Variants in DLG4 observed in about 807,000 individuals in gnomAD.
DLG4 encodes the protein discs large MAGUK scaffold protein 4.
DLG4 carries 7 observed loss-of-function variants against 93.8 expected under a neutral mutation model. The observed-to-expected ratio is 0.07, with a 90% CI of 0.04 to 0.14. The LOEUF (loss-of-function observed/expected upper bound fraction) is 0.14. DLG4 is among the 10% of genes least tolerant of loss of function. The pLI is 1.00. For missense variants in DLG4, 545 were observed against 992.9 expected (o/e 0.55, Z 6.06); for synonymous variants, 341 against 387.6 (o/e 0.88, Z 1.41).
rs1249041118 is a variant in DLG4 at position 7,188,220 on chromosome 17, C to T, written c.*2488G>A. ...GTCCTGCATAGAAAATCCTGCAGGG[C>T]AATACGTGGCTACTGGTTGAAGTGA... On this transcript the variant is annotated 3_prime_UTR_variant, in exon 20 of 20. Transcript: ENST00000399506. Among the ~76,000 whole-genome samples the T allele has an allele frequency of 6.6e-6, 1 of 152,164 alleles. No homozygotes were observed. Among genetic ancestry groups the T allele is most frequent in the African/African-American group, 2.4e-5 (1 of 41,434 alleles).
rs2070237814 is a variant in DLG4, at chr17:7,203,083, C to A, written c.643-36G>T. 6.3e-7 allele frequency: 1 copy of A among 1,587,312 alleles called. No homozygotes were observed. Among genetic ancestry groups the A allele is most frequent in the Non-Finnish European group, 8.6e-7 (1 of 1,160,302 alleles). Reference sequence around the variant, plus strand: ...GGAAAGCAAAGCTCAGACAAAGCCACAAATGGCCCAAGACAGAAGCACTGG... The same window carrying A: ...GGAAAGCAAAGCTCAGACAAAGCCAAAAATGGCCCAAGACAGAAGCACTGG... On this transcript the variant is annotated intron_variant, in intron 7 of 19. Coordinates refer to ENST00000399506, the MANE Select transcript of DLG4 (RefSeq NM_001321075.3). The surrounding 1 kb of genome is among the most constrained non-coding windows in gnomAD (Gnocchi z 7.2).
chr17:7,217,951 A>C, upstream of DLG4: 1 of 855,400 alleles, frequency 1.2e-6, no homozygotes, highest in South Asian at 1.6e-5. Context: ...GAAGGAGGCA[A>C]TCCCTGGGGG....
At position 7,189,737 on chromosome 17, in the gene DLG4, C is replaced by T. The variant is rs1391389197; in HGVS notation, c.*971G>A. Among the ~76,000 whole-genome samples, 2 of 152,082 alleles carry T rather than the reference C, an allele frequency of 1.3e-5. No individual in the cohort carries two copies. Among genetic ancestry groups the T allele is most frequent in the African/African-American group, 4.8e-5 (2 of 41,416 alleles). On this transcript the variant is annotated 3_prime_UTR_variant, in exon 20 of 20. Coordinates refer to ENST00000399506, the MANE Select transcript of DLG4 (RefSeq NM_001321075.3). Reference sequence around the variant, plus strand: ...AGCTCCAGACCTTCCCAGGCTCAGTCTTCACCAACTCGGGTTCCTTGATTT... The same window carrying T: ...AGCTCCAGACCTTCCCAGGCTCAGTTTTCACCAACTCGGGTTCCTTGATTT...
chr17:7,219,392 G>A (rs2071078921), upstream of DLG4: 5 of 1,014,664 alleles, frequency 4.9e-6, no homozygotes, highest in South Asian at 3.9e-5. Flanking sequence ...AGTGAATCTG[G>A]GGGGGTCTTC....
intron 1 of DLG4, among the ~76,000 whole-genome samples, chr17:7,210,327 C>T (rs143695674): frequency 1.3e-5 from 2 of 152,172 alleles, no homozygotes; most frequent in Admixed American, 6.5e-5. Context: ...ACAGAGACAA[C>T]TCAAATCAAG....
intron 8 of DLG4, among the ~76,000 whole-genome samples, chr17:7,199,609 C>A (rs929328326): frequency 6.6e-6 from 1 of 151,976 alleles, no homozygotes; most frequent in Admixed American, 6.6e-5. Context: ...TTGCTGAGAC[C>A]CTATTAGTCC....
Position 7,194,599 on chromosome 17 carries a change from T to A in DLG4, c.1302-104A>T. The A allele has an allele frequency of 7.8e-7, 1 of 1,273,924 alleles. No homozygotes were observed. Among genetic ancestry groups the A allele is most frequent in the Non-Finnish European group, 1.1e-6 (1 of 935,982 alleles). 78.9% of individuals were successfully genotyped at this position (1,273,924 alleles called of 1,614,324 possible). Reference sequence around the variant, plus strand: ...CAGAGGTCTGCAGATGGCACTCCCATGGGAGCTATGGATGCCGAGGAACCC... The same window carrying A: ...CAGAGGTCTGCAGATGGCACTCCCAAGGGAGCTATGGATGCCGAGGAACCC... On this transcript the variant is annotated intron_variant, in intron 11 of 19. Coordinates refer to ENST00000399506, the MANE Select transcript of DLG4 (RefSeq NM_001321075.3). The surrounding 1 kb of genome is among the most constrained non-coding windows in gnomAD (Gnocchi z 4.4).
chr17:7,201,375 C>T (rs2070125584), intron 8 of DLG4, among the ~76,000 whole-genome samples: 1 of 152,158 alleles, frequency 6.6e-6, no homozygotes, highest in Non-Finnish European at 1.5e-5. Context: ...TCTGTCATAA[C>T]ATTTTTTAAT....
chr17:7,208,294 GCTGGCCGCC>G lies in DLG4; in HGVS notation c.31-64_31-56del, dbSNP rs1205962669. On this transcript the variant is annotated intron_variant, in intron 1 of 19. Coordinates refer to ENST00000399506, the MANE Select transcript of DLG4 (RefSeq NM_001321075.3). This position sits in a 1 kb window ranked among gnomAD's most constrained non-coding sequence, Gnocchi z 5.4. Reference sequence around the variant, plus strand: ...GCCAGCCCGGTGCCTCAGGCTCCAGGCTGGCCGCCCTGGCCGCCGCCTCTTCCCCCAGCC... The same window carrying G: ...GCCAGCCCGGTGCCTCAGGCTCCAGGCTGGCCGCCGCCTCTTCCCCCAGCC... 1 of 1,302,712 alleles carries G rather than the reference GCTGGCCGCC, an allele frequency of 7.7e-7. No homozygotes were observed. The highest frequency in any genetic ancestry group is 9.8e-7 in the Non-Finnish European group (1 of 1,016,270). The allele number at this position is 1,302,712 out of a possible 1,614,324, so 80.7% of individuals were successfully genotyped here.
At chr17:7,207,770 TGCACACACGCACAGGCACACACACA>T (rs1220257468) in intron 2 of DLG4, among the ~76,000 whole-genome samples, 3 of 150,642 alleles carry the variant, frequency 2.0e-5, no homozygotes, top group African/African-American at 4.9e-5. Context: ...CACGCATGCA[TGCACACACGCACAGGCACACACACA>T]GCACACGCGC....
Position 7,195,075 on chromosome 17 carries a change from C to T in DLG4, c.1302-580G>A, listed in dbSNP as rs1049531348. Among the ~76,000 whole-genome samples the T allele has an allele frequency of 4.0e-5, 6 of 151,690 alleles. No homozygotes were observed. The highest frequency in any genetic ancestry group is 3.9e-4 in the East Asian group (2 of 5,182). On this transcript the variant is annotated intron_variant, in intron 11 of 19. Coordinates refer to ENST00000399506, the MANE Select transcript of DLG4 (RefSeq NM_001321075.3). This position sits in a 1 kb window ranked among gnomAD's most constrained non-coding sequence, Gnocchi z 4.3. ...AACAGAAAGCAGTGTGCAGTACACA[C>T]GCACATCATAAAGTCACAGGGGTAA...
In DLG4 at chr17:7,196,188, G is replaced by A. The variant is rs2069772379; in HGVS notation, c.1301+32C>T. 1.3e-6 allele frequency: 2 copies of A among 1,555,104 alleles called. No homozygotes were observed. Among genetic ancestry groups the A allele is most frequent in the African/African-American group, 2.7e-5 (2 of 73,686 alleles). On this transcript the variant is annotated intron_variant, in intron 11 of 19. Coordinates refer to ENST00000399506, the MANE Select transcript of DLG4 (RefSeq NM_001321075.3). This position sits in a 1 kb window ranked among gnomAD's most constrained non-coding sequence, Gnocchi z 8.3. ...CACAGAGTGCCCAGGAACGCAGAGGGGCTGAGGAGTCCAGCCCGGGAAGCC... is the reference window on the plus strand; with the variant it reads ...CACAGAGTGCCCAGGAACGCAGAGGAGCTGAGGAGTCCAGCCCGGGAAGCC...
chr17:7,213,949 C>T, intron 1 of DLG4: 1 of 441,860 alleles, frequency 2.3e-6, no homozygotes, highest in South Asian at 1.6e-5. Flanking sequence ...AAATTTCCTT[C>T]TAGAATAGAA....
At chr17:7,215,639 T>G (rs574966392) in intron 1 of DLG4, among the ~76,000 whole-genome samples, 53 of 152,162 alleles carry the variant, frequency 3.5e-4, no homozygotes, top group African/African-American at 1.2e-3. Context: ...ACCCACAGAA[T>G]GAAGGACAAG....
In DLG4 at chr17:7,196,403, A is replaced by C; in HGVS notation, c.1187-69T>G. ...CTGTCACCCCTGTCCTCCCCTACTG[A>C]AGCCATCAGCTGAGGAAGAGTTCTA... On this transcript the variant is annotated intron_variant, in intron 10 of 19. Transcript: ENST00000399506. The surrounding 1 kb of genome is among the most constrained non-coding windows in gnomAD (Gnocchi z 8.3). 6.2e-7 allele frequency: 1 copy of C among 1,608,490 alleles called. No individual in the cohort carries two copies. The highest frequency in any genetic ancestry group is 1.1e-5 in the South Asian group (1 of 90,958).
intron 1 of DLG4, among the ~76,000 whole-genome samples, chr17:7,213,026 C>T (rs757992439): frequency 7.9e-5 from 12 of 151,734 alleles, no homozygotes; most frequent in Admixed American, 2.0e-4. Flanking sequence ...GAGTGAGACT[C>T]GGTCTCAAAA....
chr17:7,200,270 A>G (rs2070048901), intron 8 of DLG4, among the ~76,000 whole-genome samples: 2 of 152,300 alleles, frequency 1.3e-5, no homozygotes, highest in South Asian at 4.1e-4. Flanking sequence ...TGGAATGTAG[A>G]TTAATTTGGA....
At chr17:7,213,095 C>CTTTTT (rs746009346) in intron 1 of DLG4, among the ~76,000 whole-genome samples, 1 of 80,860 alleles carries the variant, frequency 1.2e-5, no homozygotes, top group Non-Finnish European at 2.8e-5. Context: ...TTCTTTCTTT[C>CTTTTT]TTTTTTTTTT....
Position 7,191,694 on chromosome 17 carries a change from G to C in DLG4, c.1976+199C>G. ...TATGCCCCAGGGGCTGCTGGGAAAT[G>C]TAGTCCTGTCTAGCCAAGGCAGGAG... On this transcript the variant is annotated intron_variant, in intron 18 of 19. Coordinates refer to ENST00000399506, the MANE Select transcript of DLG4 (RefSeq NM_001321075.3). The surrounding 1 kb of genome is among the most constrained non-coding windows in gnomAD (Gnocchi z 6.6). The C allele has an allele frequency of 1.7e-6, 1 of 578,538 alleles. No homozygotes were observed. The highest frequency in any genetic ancestry group is 3.1e-6 in the Non-Finnish European group (1 of 319,538). The allele number at this position is 578,538 out of a possible 1,614,324, so 35.8% of individuals were successfully genotyped here.
Sources: gnomAD v4.1 joint callset for allele counts (sites outside exome capture counted in the v4.1 genomes callset) on GRCh38, gnomAD v4.1.1 for gene constraint, Gnocchi (gnomAD v3.1) non-coding constraint, MANE v1.5 for transcripts, NCBI Gene and HGNC (gene_info 2026-07-23, HGNC 2026-07-21) for gene names.